TRIM26: variants seen among roughly 807,000 people sequenced by gnomAD.
TRIM26 encodes tripartite motif containing 26, also known as tripartite motif-containing protein 26.
In TRIM26, 16 loss-of-function variants were observed where a neutral mutation model predicts 45.5. The observed-to-expected ratio is 0.35, with a 90% confidence interval of 0.24 to 0.53. TRIM26 has a LOEUF of 0.53. Among genes scored for constraint, TRIM26 ranks in the 20% least tolerant of loss-of-function variants. The pLI is 0.92. For missense variants in TRIM26, 442 were observed against 691.1 expected, an observed-to-expected ratio of 0.64 and a Z score of 4.04; for synonymous variants, 273 against 290.4, an observed-to-expected ratio of 0.94 and a Z score of 0.61.
At chr6:30,188,423 C>A in intron 9 of TRIM26, 1 of 282,682 alleles carries the variant, frequency 3.5e-6, no homozygotes, top group Non-Finnish European at 7.2e-6. Context: ...TAATCCTCAC[C>A]ATCATCCTCA....
Position 30,198,401 on chromosome 6 carries a change from C to G in TRIM26, c.534+28G>C, listed in dbSNP as rs1776717247. 9 of 1,612,352 alleles carry G rather than the reference C, an allele frequency of 5.6e-6. No homozygotes were observed. The highest frequency in any genetic ancestry group is 7.6e-6 in the Non-Finnish European group (9 of 1,179,806). The stretch of plus-strand genomic sequence containing the variant: ...CCTGCCCTACACGGGCGCACCGCCT[C>G]AGGGCTTCCTGAAACAGCCTCACTT... On this transcript the variant is annotated intron_variant, in intron 5 of 9. Coordinates refer to ENST00000454678, the MANE Select transcript of TRIM26 (RefSeq NM_003449.5). The surrounding 1 kb of genome is among the most constrained non-coding windows in gnomAD (Gnocchi z 6.3).
At position 30,186,042 on chromosome 6, in the gene TRIM26, C is replaced by T. The variant is rs147508131; in HGVS notation, c.1454G>A (p.Arg485Gln). ...SPEAELFPAL[R>Q]PRRVGIALDY... ...CAGGGCGATGCCCACTCTCCGGGGCCGCAGTGCTGGGAAAAGCTCAGCCTC... is the reference window on the plus strand; with the variant it reads ...CAGGGCGATGCCCACTCTCCGGGGCTGCAGTGCTGGGAAAAGCTCAGCCTC... The change falls in exon 10 of 10, where the codon CGG (arginine) becomes CAG (glutamine). Residue 485 changes from arginine to glutamine, a missense_variant. By Grantham distance (43) the Arg-to-Gln change is conservative. Coordinates refer to ENST00000454678, the MANE Select transcript of TRIM26 (RefSeq NM_003449.5). This position sits in a 1 kb window ranked among gnomAD's most constrained non-coding sequence, Gnocchi z 7.4. 10 of 1,605,084 alleles carry T rather than the reference C, an allele frequency of 6.2e-6. No individual in the cohort carries two copies. Among genetic ancestry groups the T allele is most frequent in the Middle Eastern group, 1.6e-4 (1 of 6,066 alleles).
chr6:30,189,825 T>C lies in TRIM26; in HGVS notation c.788+188A>G, dbSNP rs1775630521. The C allele has an allele frequency of 2.8e-6, 2 of 701,930 alleles. No individual in the cohort carries two copies. Among genetic ancestry groups the C allele is most frequent in the Admixed American group, 2.6e-5 (1 of 38,026 alleles). 43.5% of individuals were successfully genotyped at this position (701,930 alleles called of 1,614,324 possible). A position where few individuals can be genotyped will look rare whatever the true frequency, so the allele number is the denominator to read the frequency against. On this transcript the variant is annotated intron_variant, in intron 7 of 9. Coordinates refer to ENST00000454678, the MANE Select transcript of TRIM26 (RefSeq NM_003449.5). The surrounding 1 kb of genome is among the most constrained non-coding windows in gnomAD (Gnocchi z 5.0). ...GGAGCTGGGGCTACACAGAGAACCA[T>C]AAGGAGGAGAGCAAGTCTCCAGTTC...
rs1776734712 is a variant in TRIM26 at position 30,198,543 on chromosome 6, T to C, written c.439-19A>G. ...TTTTTTCCTGTGGAAAAACAAGCAG[T>C]GGCAACAGGTGGATGCTCTGGGCTG... On this transcript the variant is annotated intron_variant, in intron 4 of 9. Transcript: ENST00000454678. This position sits in a 1 kb window ranked among gnomAD's most constrained non-coding sequence, Gnocchi z 6.3. 11 of 1,612,662 alleles carry C rather than the reference T, an allele frequency of 6.8e-6. No individual in the cohort carries two copies. The highest frequency in any genetic ancestry group is 9.3e-6 in the Non-Finnish European group (11 of 1,179,814).
At chr6:30,210,011 C>T (rs1229592965) in intron 1 of TRIM26, among the ~76,000 whole-genome samples, 1 of 151,898 alleles carries the variant, frequency 6.6e-6, no homozygotes, top group African/African-American at 2.4e-5. Context: ...TCGAGACCAT[C>T]CTGGCCAACA....
chr6:30,187,384 G>T, intron 9 of TRIM26: 1 of 398,998 alleles, frequency 2.5e-6, no homozygotes, highest in Non-Finnish European at 5.1e-6. Context: ...AGACCAACCT[G>T]AAGAATATCT....
At chr6:30,187,001 C>A in intron 9 of TRIM26, 2 of 404,822 alleles carry the variant, frequency 4.9e-6, no homozygotes, top group East Asian at 6.1e-5. Flanking sequence ...TCCGGATCAG[C>A]TGCAGTGAAA....
intron 6 of TRIM26, among the ~76,000 whole-genome samples, chr6:30,194,681 C>G (rs2517616): frequency 0.19 from 29,433 of 152,038 alleles, 3,436 homozygotes; most frequent in Non-Finnish European, 0.25. Context: ...ATGGTGAAAC[C>G]CTGACTCTAC....
rs1776707753 is a variant in TRIM26, at chr6:30,198,344, C to T, written c.534+85G>A. 2.0e-6 allele frequency: 3 copies of T among 1,482,510 alleles called. No homozygotes were observed. Among genetic ancestry groups the T allele is most frequent in the Non-Finnish European group, 2.8e-6 (3 of 1,068,040 alleles). The allele number at this position is 1,482,510 out of a possible 1,614,324, so 91.8% of individuals were successfully genotyped here. On this transcript the variant is annotated intron_variant, in intron 5 of 9. Transcript: ENST00000454678. This position sits in a 1 kb window ranked among gnomAD's most constrained non-coding sequence, Gnocchi z 6.3. Reference sequence around the variant, plus strand: ...CCCTGTGAGCAGCGCCTAGAAACACCTCCCAGCTGCCGCCTACTTGCCCAG... The same window carrying T: ...CCCTGTGAGCAGCGCCTAGAAACACTTCCCAGCTGCCGCCTACTTGCCCAG...
chr6:30,186,573 G>GAAAAA lies in TRIM26; in HGVS notation c.938-20_938-16dup. 23 of 1,355,126 alleles carry GAAAAA rather than the reference G, an allele frequency of 1.7e-5. No homozygotes were observed. Among genetic ancestry groups the GAAAAA allele is most frequent in the Admixed American group, 1.1e-4 (4 of 36,196 alleles). 83.9% of individuals were successfully genotyped at this position (1,355,126 alleles called of 1,614,324 possible). On this transcript the variant is annotated splice_polypyrimidine_tract_variant and intron_variant, in intron 9 of 9. Coordinates refer to ENST00000454678, the MANE Select transcript of TRIM26 (RefSeq NM_003449.5). The surrounding 1 kb of genome is among the most constrained non-coding windows in gnomAD (Gnocchi z 7.4). ...GGTGACGCTCACTGTGGGGACAAGG[G>GAAAAA]AAAAAAAAAAAAACAGCATCACTGT...
In TRIM26 at chr6:30,189,559, C is replaced by T. The variant is rs1232259405; in HGVS notation, c.789-26G>A. On this transcript the variant is annotated intron_variant, in intron 7 of 9. Transcript: ENST00000454678. The surrounding 1 kb of genome is among the most constrained non-coding windows in gnomAD (Gnocchi z 5.0). Reference sequence around the variant, plus strand: ...CTAAGAAGATGACATACATAACAAGCTGTTACTCAGCTCTTCTTACTTTCC... The same window carrying T: ...CTAAGAAGATGACATACATAACAAGTTGTTACTCAGCTCTTCTTACTTTCC... The T allele has an allele frequency of 1.3e-6, 2 of 1,573,818 alleles. No homozygotes were observed. The highest frequency in any genetic ancestry group is 1.4e-5 in the African/African-American group (1 of 74,048).
In TRIM26 at chr6:30,198,717, C is replaced by T. The variant is rs757857860; in HGVS notation, c.387G>A (p.Glu129=). The change falls in exon 4 of 10, where the codon GAG becomes GAA. Residue 129 remains glutamate (E), a synonymous_variant. Transcript: ENST00000454678. The surrounding 1 kb of genome is among the most constrained non-coding windows in gnomAD (Gnocchi z 6.3). ...LLCVMCRESR[E]HRPHTAVLME... is the part of the protein sequence containing the mutation. ...TGAGGACGGCCGTGTGGGGCCTGTGCTCCCGGGACTCCCGGCACATCACGC... is the reference window on the plus strand; with the variant it reads ...TGAGGACGGCCGTGTGGGGCCTGTGTTCCCGGGACTCCCGGCACATCACGC... The T allele has an allele frequency of 1.2e-5, 19 of 1,604,432 alleles. No homozygotes were observed. Among genetic ancestry groups the T allele is most frequent in the African/African-American group, 2.7e-5 (2 of 74,900 alleles).
At chr6:30,188,434 T>C (rs544113536) in intron 9 of TRIM26, 2 of 273,502 alleles carry the variant, frequency 7.3e-6, no homozygotes, top group South Asian at 1.0e-4. Context: ...ATCATCCTCA[T>C]AGGATTCTCT....
At position 30,198,062 on chromosome 6, in the gene TRIM26, C is replaced by T. The variant is rs1459551509; in HGVS notation, c.534+367G>A. ...CTTCTAAACCCTCTCCACTCTCAGG[C>T]AACCTTGTCTCTCTCTCTCTCTTTG... On this transcript the variant is annotated intron_variant, in intron 5 of 9. Transcript: ENST00000454678. The surrounding 1 kb of genome is among the most constrained non-coding windows in gnomAD (Gnocchi z 6.3). 6.6e-6 allele frequency among the ~76,000 whole-genome samples: 1 copy of T among 152,182 alleles called. No individual in the cohort carries two copies. The highest frequency in any genetic ancestry group is 1.5e-5 in the Non-Finnish European group (1 of 68,040).
intron 2 of TRIM26, among the ~76,000 whole-genome samples, chr6:30,204,076 C>A (rs149835434): frequency 1.0e-3 from 154 of 152,220 alleles, no homozygotes; most frequent in African/African-American, 3.6e-3. Flanking sequence ...TTGTATAGAA[C>A]CATTTGTTTT....
At chr6:30,193,849 G>A (rs1427986617) in intron 6 of TRIM26, among the ~76,000 whole-genome samples, 1 of 152,124 alleles carries the variant, frequency 6.6e-6, no homozygotes, top group African/African-American at 2.4e-5. Flanking sequence ...AAATGGGGTT[G>A]CTTTCTTGAT....
At position 30,189,380 on chromosome 6, in the gene TRIM26, C is replaced by A. The variant is rs1314797735; in HGVS notation, c.904+38G>T. 2 of 1,604,906 alleles carry A rather than the reference C, an allele frequency of 1.2e-6. No individual in the cohort carries two copies. Among genetic ancestry groups the A allele is most frequent in the South Asian group, 2.2e-5 (2 of 90,932 alleles). On this transcript the variant is annotated intron_variant, in intron 8 of 9. Coordinates refer to ENST00000454678, the MANE Select transcript of TRIM26 (RefSeq NM_003449.5). The surrounding 1 kb of genome is among the most constrained non-coding windows in gnomAD (Gnocchi z 5.0). ...GCGCTCTTTCTACGAGGTAGCCCTG[C>A]TCTGACTCCCACCCTTTGTGCGCTC...
chr6:30,208,410 G>A (rs951245064), intron 1 of TRIM26, among the ~76,000 whole-genome samples: 25 of 152,060 alleles, frequency 1.6e-4, no homozygotes, highest in African/African-American at 5.6e-4. Flanking sequence ...TTGTAATAGT[G>A]AGAATCACTC....
rs1776775924 is a variant in TRIM26, at chr6:30,198,803, A to G, written c.301T>C (p.Leu101=). ...EVTREQQDAK[L]CERHREKLHY... is the part of the protein sequence containing the mutation. ...AGCTTCTCTCGGTGTCGCTCGCACAACTTTGCATCCTGCTGCTCCCGGGTC... is the reference window on the plus strand; with the variant it reads ...AGCTTCTCTCGGTGTCGCTCGCACAGCTTTGCATCCTGCTGCTCCCGGGTC... Residue 101 remains leucine (L), a synonymous_variant, in exon 4 of 10, where the codon TTG becomes CTG. Transcript: ENST00000454678. The surrounding 1 kb of genome is among the most constrained non-coding windows in gnomAD (Gnocchi z 6.3). 6.2e-7 allele frequency: 1 copy of G among 1,606,266 alleles called. No homozygotes were observed. The highest frequency in any genetic ancestry group is 1.4e-5 in the African/African-American group (1 of 73,954).
Sources: gnomAD v4.1 joint callset for allele counts (sites outside exome capture counted in the v4.1 genomes callset) on GRCh38, gnomAD v4.1.1 for gene constraint, Gnocchi (gnomAD v3.1) non-coding constraint, MANE v1.5 for transcripts, NCBI Gene and HGNC (gene_info 2026-07-23, HGNC 2026-07-21) for gene names.